The following FRMD5 variants were observed in gnomAD, a reference collection of about 807,000 sequenced individuals.
The protein encoded by FRMD5 is FERM domain containing 5, also known as FERM domain-containing protein 5.
A neutral mutation model predicts 69.0 loss-of-function variants in FRMD5; 20 were observed. The ratio of observed to expected loss-of-function variants is 0.29; its 90% confidence interval spans 0.20 to 0.42. FRMD5 has a LOEUF of 0.42. FRMD5 is among the 10% of genes least tolerant of loss of function. FRMD5 has a pLI of 1.00. For missense variants in FRMD5, 595 were observed against 708.6 expected, an observed-to-expected ratio of 0.84 and a Z score of 1.82; for synonymous variants, 271 against 260.1, an observed-to-expected ratio of 1.04 and a Z score of -0.40.
intron 1 of FRMD5, among the ~76,000 whole-genome samples, chr15:44,076,497 A>G (rs1275087423): frequency 6.6e-6 from 1 of 150,822 alleles, no homozygotes; most frequent in Admixed American, 6.6e-5. Flanking sequence ...ATTGGAAATC[A>G]TCATTCTCAG....
At chr15:43,947,991 T>C (rs2089973254) in intron 1 of FRMD5, among the ~76,000 whole-genome samples, 1 of 152,188 alleles carries the variant, frequency 6.6e-6, no homozygotes, top group Non-Finnish European at 1.5e-5. Context: ...AGAAAGCTGA[T>C]GTTGGCTGAG....
chr15:43,923,243 G>A (rs2089527677), intron 2 of FRMD5, among the ~76,000 whole-genome samples: 1 of 152,196 alleles, frequency 6.6e-6, no homozygotes, highest in African/African-American at 2.4e-5. Flanking sequence ...CTAGTTAAAT[G>A]GGAGATAGTG....
chr15:43,893,206 C>A (rs2088836501), intron 7 of FRMD5, among the ~76,000 whole-genome samples: 1 of 151,834 alleles, frequency 6.6e-6, no homozygotes. Flanking sequence ...GAGTTGTTAT[C>A]CACTTTCATA....
intron 1 of FRMD5, among the ~76,000 whole-genome samples, chr15:44,044,430 C>T (rs765401262): frequency 4.6e-5 from 7 of 152,020 alleles, no homozygotes; most frequent in Non-Finnish European, 7.4e-5. Flanking sequence ...GGTATATACT[C>T]AAAGGATCAT....
intron 1 of FRMD5, among the ~76,000 whole-genome samples, chr15:43,962,574 C>A (rs2090220375): frequency 6.6e-6 from 1 of 152,116 alleles, no homozygotes; most frequent in African/African-American, 2.4e-5. Context: ...TCATATGGAA[C>A]CAAAACAGAG....
intron 1 of FRMD5, among the ~76,000 whole-genome samples, chr15:44,093,794 G>C (rs962353490): frequency 1.3e-5 from 2 of 151,676 alleles, no homozygotes; most frequent in African/African-American, 4.8e-5. Context: ...GGATGGTCTC[G>C]ATCTCCTAAT....
chr15:44,109,907 A>G (rs764970162), intron 1 of FRMD5, among the ~76,000 whole-genome samples: 2 of 152,212 alleles, frequency 1.3e-5, no homozygotes, highest in Non-Finnish European at 2.9e-5. Context: ...CATATAGTAT[A>G]CAACCTGATT....
chr15:44,074,207 T>C (rs779452727), intron 1 of FRMD5, among the ~76,000 whole-genome samples: 11 of 152,218 alleles, frequency 7.2e-5, no homozygotes, highest in Non-Finnish European at 5.9e-5. Flanking sequence ...TTCAGAATCA[T>C]AGAAGCCCCC....
chr15:43,991,104 G>A (rs1312899154), intron 1 of FRMD5, among the ~76,000 whole-genome samples: 12 of 152,228 alleles, frequency 7.9e-5, no homozygotes, highest in Non-Finnish European at 1.8e-4. Context: ...ACAGGCAAGG[G>A]AAGATGGACT....
intron 1 of FRMD5, among the ~76,000 whole-genome samples, chr15:44,157,477 A>G (rs1405824377): frequency 6.6e-6 from 1 of 152,342 alleles, no homozygotes. Flanking sequence ...TACAGGTAGT[A>G]GTATTCACAT....
rs913104727 is a variant in FRMD5 at position 44,189,506 on chromosome 15, T to G, written c.102+5447A>C. Among the ~76,000 whole-genome samples, 30 of 151,324 alleles carry G rather than the reference T, an allele frequency of 2.0e-4. 1 individual carries two copies. The highest frequency in any genetic ancestry group is 4.2e-4 in the South Asian group (2 of 4,758). Reference sequence around the variant, plus strand: ...AAGTCAAGACTTTTTTTTTTTTTTTTGGGACAGAGTCTTGCTCTGCCACCC... The same window carrying G: ...AAGTCAAGACTTTTTTTTTTTTTTTGGGGACAGAGTCTTGCTCTGCCACCC... On this transcript the variant is annotated intron_variant, in intron 1 of 13. Coordinates refer to ENST00000417257, the MANE Select transcript of FRMD5 (RefSeq NM_032892.5).
intron 1 of FRMD5, among the ~76,000 whole-genome samples, chr15:43,990,440 CATT>C (rs1449314957): frequency 6.6e-6 from 1 of 152,148 alleles, no homozygotes; most frequent in Admixed American, 6.5e-5. Context: ...AGCTTACTAA[CATT>C]AGTTTTACTA....
intron 1 of FRMD5, among the ~76,000 whole-genome samples, chr15:44,039,506 C>A (rs1375308141): frequency 6.6e-6 from 1 of 152,198 alleles, no homozygotes; most frequent in Non-Finnish European, 1.5e-5. Context: ...GTTCTGCAGC[C>A]TCCACTGGTA....
chr15:44,096,141 GGTT>G (rs1374374820), intron 1 of FRMD5, among the ~76,000 whole-genome samples: 3 of 148,298 alleles, frequency 2.0e-5, no homozygotes, highest in African/African-American at 7.5e-5. Flanking sequence ...AGGAGGCAGA[GGTT>G]GTGGTGAGCC....
chr15:44,072,784 T>TA (rs950867498), intron 1 of FRMD5, among the ~76,000 whole-genome samples: 21 of 150,858 alleles, frequency 1.4e-4, no homozygotes, highest in Middle Eastern at 3.5e-3. Context: ...GCGCTAGCAA[T>TA]AAAAAAAAAC....
At chr15:44,032,572 T>C (rs1029229208) in intron 1 of FRMD5, among the ~76,000 whole-genome samples, 14 of 152,206 alleles carry the variant, frequency 9.2e-5, no homozygotes, top group African/African-American at 3.4e-4. Context: ...AAAGAAGACA[T>C]ACATGCAGCC....
intron 1 of FRMD5, among the ~76,000 whole-genome samples, chr15:44,093,643 G>T (rs533075490): frequency 6.6e-6 from 1 of 151,052 alleles, no homozygotes; most frequent in African/African-American, 2.4e-5. Flanking sequence ...CGCCGTCTCA[G>T]CTCACTGCAA....
chr15:44,082,100 C>A (rs895223365), intron 1 of FRMD5, among the ~76,000 whole-genome samples: 1 of 151,518 alleles, frequency 6.6e-6, no homozygotes. Flanking sequence ...TTATAAATAC[C>A]AAAATTCTTA....
intron 10 of FRMD5, among the ~76,000 whole-genome samples, chr15:43,887,467 G>C (rs976828629): frequency 2.0e-5 from 3 of 152,218 alleles, no homozygotes; most frequent in African/African-American, 7.2e-5. Context: ...AGTCTCCCGA[G>C]TATATTCAGG....
Sources: gnomAD v4.1 joint callset for allele counts (sites outside exome capture counted in the v4.1 genomes callset) on GRCh38, gnomAD v4.1.1 for gene constraint, MANE v1.5 for transcripts, NCBI Gene and HGNC (gene_info 2026-07-23, HGNC 2026-07-21) for gene names.